WASHC2C: variants seen among roughly 807,000 people sequenced by gnomAD.
WASHC2C encodes the protein Vaccinia Penetration Factor.
WASHC2C carries 73 observed loss-of-function variants against 142.2 expected under a neutral mutation model. The observed-to-expected ratio is 0.51, with a 90% CI of 0.43 to 0.62. WASHC2C has a LOEUF of 0.62. Among genes scored for constraint, WASHC2C ranks in the 20% least tolerant of loss-of-function variants. The pLI is 0.00. For synonymous variants in WASHC2C, 337 were observed against 565.5 expected (o/e 0.60, Z 5.73); for missense variants, 969 against 1,531.7 (o/e 0.63, Z 6.13).
Position 45,751,589 on chromosome 10 carries a change from C to T in WASHC2C, c.1003+36C>T. On this transcript the variant is annotated intron_variant, in intron 11 of 30. Coordinates refer to ENST00000623400, the MANE Select transcript of WASHC2C (RefSeq NM_001330074.2). ...TCCCTCAATTCTGTTATTTTAGGAGCCTGTTGACTAAGGAATGTTGCTTAC... is the reference window on the plus strand; with the variant it reads ...TCCCTCAATTCTGTTATTTTAGGAGTCTGTTGACTAAGGAATGTTGCTTAC... 1.2e-5 allele frequency: 11 copies of T among 953,360 alleles called. 1 individual carries two copies. In the South Asian group the frequency reaches 1.9e-4, roughly 17 times the overall value. 59.1% of individuals were successfully genotyped at this position (953,360 alleles called of 1,614,324 possible).
rs577877358 is a variant in WASHC2C, at chr10:45,787,322, G to A, written c.3087+75G>A. On this transcript the variant is annotated intron_variant, in intron 28 of 30. Transcript: ENST00000623400. ...GCATATGCTTCTTTCTAGTTTATCA[G>A]TTGCATACACAGCAGTCTTTGACTC... 3.4e-4 allele frequency: 337 copies of A among 1,002,564 alleles called. 1 individual carries two copies. Among genetic ancestry groups the A allele is most frequent in the Middle Eastern group, 1.6e-3 (5 of 3,172 alleles). 62.1% of individuals were successfully genotyped at this position (1,002,564 alleles called of 1,614,324 possible).
intron 23 of WASHC2C, among the ~76,000 whole-genome samples, chr10:45,781,176 G>T (rs1258807815): frequency 6.6e-6 from 1 of 151,988 alleles, no homozygotes; most frequent in Non-Finnish European, 1.5e-5. Flanking sequence ...AGAAGTACAA[G>T]ACTTGTAAAC....
chr10:45,733,903 A>C (rs1395032809), intron 3 of WASHC2C, among the ~76,000 whole-genome samples: 2 of 152,130 alleles, frequency 1.3e-5, no homozygotes, highest in African/African-American at 4.8e-5. Flanking sequence ...TTCTAAGTCC[A>C]TTTCCCATGC....
intron 21 of WASHC2C, 31 bp from the exon 22 acceptor site, chr10:45,777,242 T>C: frequency 6.7e-7 from 1 of 1,498,456 alleles, no homozygotes; most frequent in Non-Finnish European, 9.2e-7. Flanking sequence ...TTTTTTATTG[T>C]TGTGGATGTC....
At chr10:45,727,137 A>G, upstream of WASHC2C, 3 of 1,427,792 alleles carry the variant, frequency 2.1e-6, no homozygotes, top group Admixed American at 3.0e-5. Flanking sequence ...GTCCCAGTCC[A>G]CTTCCGCAGC....
intron 26 of WASHC2C, chr10:45,786,003 T>G: frequency 3.6e-6 from 1 of 277,478 alleles, no homozygotes; most frequent in Non-Finnish European, 6.9e-6. Flanking sequence ...CTGCCTGCTC[T>G]CAGTGTTGCC....
At chr10:45,727,831 A>G (rs1263708440) in intron 2 of WASHC2C, among the ~76,000 whole-genome samples, 2 of 152,150 alleles carry the variant, frequency 1.3e-5, no homozygotes, top group East Asian at 3.9e-4. Flanking sequence ...CTCGGGCACT[A>G]GGGAGGCGAT....
rs879954850 is a variant in WASHC2C at position 45,763,195 on chromosome 10, C to T, written c.1636-193C>T. 8.5e-3 allele frequency among the ~76,000 whole-genome samples: 1,291 copies of T among 152,044 alleles called. 16 individuals carry two copies. Among genetic ancestry groups the T allele is most frequent in the African/African-American group, 0.03 (1,223 of 41,342 alleles). On this transcript the variant is annotated intron_variant, in intron 17 of 30. Coordinates refer to ENST00000623400, the MANE Select transcript of WASHC2C (RefSeq NM_001330074.2). ...ATCCTGTAGCTCTCCTCCTCCTTAG[C>T]GCCACTGCACACACCCTGCACAGAC... is the stretch of plus-strand genomic sequence containing the variant.
chr10:45,784,014 T>C (rs1483256707), intron 23 of WASHC2C, among the ~76,000 whole-genome samples: 1 of 152,004 alleles, frequency 6.6e-6, no homozygotes, highest in Non-Finnish European at 1.5e-5. Flanking sequence ...GGACACATAC[T>C]TGACCACTCT....
chr10:45,748,782 A>G (rs2053172470), intron 8 of WASHC2C, among the ~76,000 whole-genome samples: 2 of 152,078 alleles, frequency 1.3e-5, no homozygotes, highest in African/African-American at 4.8e-5. Context: ...TATACATAGT[A>G]GTGTGTACCT....
At position 45,727,492 on chromosome 10, in the gene WASHC2C, G is replaced by A. The variant is rs2049995757; in HGVS notation, c.79G>A (p.Glu27Lys). Residue 27 changes from glutamate (E) to lysine (K), a missense_variant, in exon 2 of 31, where the codon GAG becomes AAG. Coordinates refer to ENST00000623400, the MANE Select transcript of WASHC2C (RefSeq NM_001330074.2). Reference sequence around the variant, plus strand: ...GTGGGAGCGGCCGTGGTCGGTGGAGGAGATCCGCAGGAGCAGCCAGAGCTG... The same window carrying A: ...GTGGGAGCGGCCGTGGTCGGTGGAGAAGATCCGCAGGAGCAGCCAGAGCTG... ...PVWERPWSVE[E>K]IRRSSQSWSL... 6.2e-7 allele frequency: 1 copy of A among 1,606,132 alleles called. No individual in the cohort carries two copies. The highest frequency in any genetic ancestry group is 1.7e-5 in the Admixed American group (1 of 58,960).
In WASHC2C at chr10:45,729,022, A is replaced by G. The variant is rs1564683199; in HGVS notation, c.287A>G (p.Glu96Gly). 3 of 1,611,104 alleles carry G rather than the reference A, an allele frequency of 1.9e-6. No homozygotes were observed. The highest frequency in any genetic ancestry group is 1.7e-6 in the Non-Finnish European group (2 of 1,179,118). ...ATGCTCTCTAATACCCAGTTCATAG[A>G]GAATGTGAGTTATTTAGTTATATTA... The part of the protein sequence containing the change: ...FLMLSNTQFI[E>G]NRVYDEEVEE... Residue 96 changes from glutamate (E) to glycine (G), a missense_variant, in exon 3 of 31, where the codon GAG becomes GGG. Physicochemically the swap from Glu to Gly is moderately conservative, Grantham distance 98. Coordinates refer to ENST00000623400, the MANE Select transcript of WASHC2C (RefSeq NM_001330074.2).
intron 23 of WASHC2C, among the ~76,000 whole-genome samples, chr10:45,784,293 C>CACACATATATAT (rs1305333868): frequency 4.9e-4 from 31 of 63,642 alleles, no homozygotes; most frequent in Admixed American, 8.9e-4. Flanking sequence ...TATATATACA[C>CACACATATATAT]ATATATATAT....
chr10:45,790,413 A>G lies in WASHC2C; in HGVS notation c.3766A>G (p.Lys1256Glu), dbSNP rs2135835078. The G allele has an allele frequency of 6.2e-7, 1 of 1,611,226 alleles. No individual in the cohort carries two copies. The highest frequency in any genetic ancestry group is 1.3e-5 in the African/African-American group (1 of 74,842). The change falls in exon 30 of 31, where the codon AAA (lysine) becomes GAA (glutamate). Residue 1256 changes from lysine to glutamate, a missense_variant. Transcript: ENST00000623400. The part of the protein sequence containing the change: ...KPSQKTREKE[K>E]TLESNLFDDN... The stretch of plus-strand genomic sequence containing the variant: ...CTCTCAGAAAACCAGAGAGAAGGAG[A>G]AAACATTGGAATCTAATTTATTTGA...
chr10:45,773,168 G>C (rs1199043107), intron 20 of WASHC2C, 88 bp from the exon 21 acceptor site: 2 of 554,272 alleles, frequency 3.6e-6, no homozygotes, highest in African/African-American at 4.2e-5. Flanking sequence ...GATTCCTGTA[G>C]GTGCAGTCTA....
intron 19 of WASHC2C, among the ~76,000 whole-genome samples, chr10:45,766,314 G>A (rs1312768186): frequency 6.6e-6 from 1 of 152,154 alleles, no homozygotes; most frequent in Non-Finnish European, 1.5e-5. Flanking sequence ...GGAATAAGCT[G>A]GGGGGAGCTC....
chr10:45,788,741 T>C lies in WASHC2C; in HGVS notation c.3088-130T>C, dbSNP rs2058226666. ...CATTAAGAAATAACCTCTTCTATGTTCTTAGATAATATCTTCATTGAAGTA... is the reference window on the plus strand; with the variant it reads ...CATTAAGAAATAACCTCTTCTATGTCCTTAGATAATATCTTCATTGAAGTA... On this transcript the variant is annotated intron_variant, in intron 28 of 30. Transcript: ENST00000623400. 3 of 1,448,578 alleles carry C rather than the reference T, an allele frequency of 2.1e-6. No individual in the cohort carries two copies. The South Asian group carries it at 3.7e-5, about 18-fold the overall frequency. 89.7% of individuals were successfully genotyped at this position (1,448,578 alleles called of 1,614,324 possible). A position where few individuals can be genotyped will look rare whatever the true frequency, so the allele number is the denominator to read the frequency against.
rs199955474 is a variant in WASHC2C, at chr10:45,765,760, G to C, written c.1819G>C (p.Glu607Gln). ...AQREEKAKAS[E>Q]LSKKKASALL... ...GAGAGAAGAGAAAGCAAAAGCCTCC[G>C]AGCTCTCCAAAAAGAAAGCATCTGC... Residue 607 changes from glutamate (E) to glutamine (Q), a missense_variant, in exon 19 of 31, where the codon GAG becomes CAG. By Grantham distance (29) the Glu-to-Gln change is conservative. Transcript: ENST00000623400. 6.2e-7 allele frequency: 1 copy of C among 1,611,142 alleles called. No individual in the cohort carries two copies. Among genetic ancestry groups the C allele is most frequent in the Non-Finnish European group, 8.5e-7 (1 of 1,179,824 alleles).
intron 3 of WASHC2C, among the ~76,000 whole-genome samples, chr10:45,730,626 CT>C (rs782754823): frequency 4.3e-4 from 56 of 130,734 alleles, no homozygotes; most frequent in East Asian, 6.4e-4. Flanking sequence ...TGGGAAGTTT[CT>C]TTTTTTTTTT....
Sources: allele counts gnomAD v4.1 joint callset (sites outside exome capture counted in the v4.1 genomes callset), GRCh38; gene constraint gnomAD v4.1.1; transcripts MANE v1.5; gene names NCBI Gene and HGNC (gene_info 2026-07-23, HGNC 2026-07-21).